The following CCND3 variants were observed in gnomAD, a reference collection of about 807,000 sequenced individuals.
The protein encoded by CCND3 is G1/S-specific cyclin-D3.
CCND3 carries 9 observed loss-of-function variants against 28.7 expected under a neutral mutation model. The observed-to-expected ratio is 0.31, with a 90% confidence interval of 0.19 to 0.55. The LOEUF is 0.55. Among genes scored for constraint, CCND3 ranks in the 20% least tolerant of loss-of-function variants. The pLI is 0.93. For missense variants in CCND3, 315 were observed against 385.8 expected (o/e 0.82, Z 1.54); for synonymous variants, 164 against 163.9 (o/e 1.00, Z 0.00).
chr6:41,948,069 C>T (rs1041003038), intron 1 of CCND3, among the ~76,000 whole-genome samples: 5 of 152,144 alleles, frequency 3.3e-5, no homozygotes, highest in African/African-American at 1.2e-4. Flanking sequence ...ATCCACATGG[C>T]CCACTCCCTC....
Position 41,941,732 on chromosome 6 carries a change from G to T in CCND3, c.-83C>A, listed in dbSNP as rs1561953330. 2 of 1,049,628 alleles carry T rather than the reference G, an allele frequency of 1.9e-6. No homozygotes were observed. Among genetic ancestry groups the T allele is most frequent in the Non-Finnish European group, 2.5e-6 (2 of 810,514 alleles). 65.0% of individuals were successfully genotyped at this position (1,049,628 alleles called of 1,614,324 possible). On this transcript the variant is annotated 5_prime_UTR_variant, in exon 1 of 5. Coordinates refer to ENST00000372991, the MANE Select transcript of CCND3 (RefSeq NM_001760.5). This position sits in a 1 kb window ranked among gnomAD's most constrained non-coding sequence, Gnocchi z 6.1. The stretch of plus-strand genomic sequence containing the variant: ...ACGGGCCGGAGAGCGCGGGGCGCGG[G>T]TCTGGCGCTGGCGCTGGCACTGCGC...
intron 1 of CCND3, among the ~76,000 whole-genome samples, chr6:41,966,151 T>C (rs1006090658): frequency 2.0e-5 from 3 of 152,208 alleles, no homozygotes; most frequent in African/African-American, 7.2e-5. Context: ...GTCCAGTTTA[T>C]AGTATGTGCT....
At chr6:42,029,343 C>T (rs1432842192) in intron 1 of CCND3, among the ~76,000 whole-genome samples, 1 of 151,946 alleles carries the variant, frequency 6.6e-6, no homozygotes, top group Non-Finnish European at 1.5e-5. Flanking sequence ...TGTAGCTAGT[C>T]CTGGCTATTA....
chr6:41,958,991 C>T (rs1029179972), intron 1 of CCND3, among the ~76,000 whole-genome samples: 1 of 152,192 alleles, frequency 6.6e-6, no homozygotes, highest in Non-Finnish European at 1.5e-5. Context: ...AAAATAAAAA[C>T]GTACATCCAC....
Position 41,951,109 on chromosome 6 carries a change from C to T in CCND3, c.-45-10524G>A, listed in dbSNP as rs573791199. Among the ~76,000 whole-genome samples the T allele has an allele frequency of 8.5e-5, 13 of 152,068 alleles. No individual in the cohort carries two copies. The South Asian group carries it at 2.7e-3, about 32-fold the overall frequency. ...TCATGAAGACAGAAGACTTTTACCTCGGCATTTGCAACACCCATCAGAAGT... is the reference window on the plus strand; with the variant it reads ...TCATGAAGACAGAAGACTTTTACCTTGGCATTTGCAACACCCATCAGAAGT... On this transcript the variant is annotated intron_variant, in intron 1 of 4. Transcript: ENST00000372988.
intron 1 of CCND3, among the ~76,000 whole-genome samples, chr6:41,960,095 C>CTGAAACCA (rs1761680526): frequency 6.6e-6 from 1 of 152,156 alleles, no homozygotes. Flanking sequence ...CGGATGAGTC[C>CTGAAACCA]TGAAACCATC....
intron 1 of CCND3, among the ~76,000 whole-genome samples, chr6:42,010,444 G>A (rs1428442686): frequency 6.6e-6 from 1 of 152,134 alleles, no homozygotes; most frequent in African/African-American, 2.4e-5. Flanking sequence ...TGGAAGGAGA[G>A]GAGGGAGGGA....
intron 1 of CCND3, among the ~76,000 whole-genome samples, chr6:41,959,955 CA>C (rs35369393): frequency 5.0e-4 from 70 of 140,360 alleles, no homozygotes; most frequent in African/African-American, 1.2e-3. Flanking sequence ...GACTCCGTCT[CA>C]AAAAAAAAAA....
chr6:42,025,921 T>A (rs886306623), intron 1 of CCND3, among the ~76,000 whole-genome samples: 26 of 152,098 alleles, frequency 1.7e-4, no homozygotes, highest in Admixed American at 1.7e-3. Flanking sequence ...ACTGAGCGGA[T>A]GAGTGAATTA....
chr6:41,958,254 C>T (rs1776489099), intron 1 of CCND3, among the ~76,000 whole-genome samples: 1 of 152,130 alleles, frequency 6.6e-6, no homozygotes, highest in South Asian at 2.1e-4. Context: ...ACCTTGGCCT[C>T]CCGAAGTGCT....
chr6:41,943,672 G>A (rs1305323290), upstream of CCND3, among the ~76,000 whole-genome samples: 2 of 152,170 alleles, frequency 1.3e-5, no homozygotes, highest in Non-Finnish European at 2.9e-5. Flanking sequence ...AACATTCTAA[G>A]GCTTTTGATA....
At chr6:41,982,481 A>G (rs1291259765) in intron 1 of CCND3, among the ~76,000 whole-genome samples, 2 of 152,194 alleles carry the variant, frequency 1.3e-5, no homozygotes, top group African/African-American at 2.4e-5. Flanking sequence ...AGAAGACTCA[A>G]TGGTGTCAAA....
At position 41,937,288 on chromosome 6, in the gene CCND3, C is replaced by T. The variant is rs374294883; in HGVS notation, c.521G>A (p.Arg174Gln). The T allele has an allele frequency of 1.2e-5, 20 of 1,614,062 alleles. No homozygotes were observed. The highest frequency in any genetic ancestry group is 8.3e-5 in the Admixed American group (5 of 60,004). The stretch of plus-strand genomic sequence containing the variant: ...GGCATGCTTTTTGACCAAGGCCTGT[C>T]GGTCACGGGGCAGAGAGAGCCGGTG... ...ILHRLSLPRD[R>Q]QALVKKHAQT... Residue 174 changes from arginine to glutamine, a missense_variant, in exon 3 of 5, where the codon CGA becomes CAA. By Grantham distance (43) the Arg-to-Gln change is conservative. Coordinates refer to ENST00000372991, the MANE Select transcript of CCND3 (RefSeq NM_001760.5).
chr6:41,949,222 C>A (rs1400789784), intron 1 of CCND3, among the ~76,000 whole-genome samples: 1 of 152,164 alleles, frequency 6.6e-6, no homozygotes, highest in Non-Finnish European at 1.5e-5. Context: ...TGGCTCATGC[C>A]TGTAATCGCA....
chr6:42,017,020 G>C (rs1763539834), intron 1 of CCND3, among the ~76,000 whole-genome samples: 2 of 152,218 alleles, frequency 1.3e-5, no homozygotes, highest in Non-Finnish European at 2.9e-5. Context: ...ACAGAGGAGT[G>C]ACGTCTGAAG....
At chr6:42,039,631 G>C (rs1582192266) in intron 1 of CCND3, among the ~76,000 whole-genome samples, 1 of 152,202 alleles carries the variant, frequency 6.6e-6, no homozygotes, top group Non-Finnish European at 1.5e-5. Context: ...AGCATTGAAG[G>C]GCAGCTGGAG....
chr6:42,011,837 C>T (rs755000348), intron 1 of CCND3, among the ~76,000 whole-genome samples: 1 of 152,262 alleles, frequency 6.6e-6, no homozygotes, highest in Admixed American at 6.5e-5. Context: ...GCTGAGCTCC[C>T]TTCTACAGAA....
chr6:42,023,205 T>C (rs1763764369), intron 1 of CCND3, among the ~76,000 whole-genome samples: 1 of 152,230 alleles, frequency 6.6e-6, no homozygotes, highest in Non-Finnish European at 1.5e-5. Context: ...AGTGTCCTTG[T>C]CACAGTCTAC....
At chr6:41,956,522 CAT>C (rs1179910467) in intron 1 of CCND3, among the ~76,000 whole-genome samples, 2 of 152,230 alleles carry the variant, frequency 1.3e-5, no homozygotes, top group African/African-American at 2.4e-5. Context: ...GCAACTTACA[CAT>C]GTTTATGTAT....
Sources: allele counts gnomAD v4.1 joint callset (sites outside exome capture counted in the v4.1 genomes callset), GRCh38; gene constraint gnomAD v4.1.1; non-coding constraint Gnocchi (gnomAD v3.1); transcripts MANE v1.5; gene names NCBI Gene and HGNC (gene_info 2026-07-23, HGNC 2026-07-21).